PDLIM3: variants seen among roughly 807,000 people sequenced by gnomAD.
The protein encoded by PDLIM3 is PDZ and LIM domain protein 3.
PDLIM3 carries 36 observed loss-of-function variants against 37.3 expected under a neutral mutation model. The ratio of observed to expected loss-of-function variants is 0.97; its 90% CI spans 0.74 to 1.28. The LOEUF is 1.28. Ranked by LOEUF, PDLIM3 falls within the 50% of genes most tolerant of loss-of-function variation. The pLI, the probability that PDLIM3 is intolerant of heterozygous loss-of-function variation, is 0.00. For synonymous variants in PDLIM3, 174 were observed against 182.4 expected (o/e 0.95, Z 0.37); for missense variants, 454 against 485.0 (o/e 0.94, Z 0.60).
intron 3 of PDLIM3, among the ~76,000 whole-genome samples, chr4:185,520,135 C>T (rs1243511294): frequency 6.6e-6 from 1 of 152,202 alleles, no homozygotes; most frequent in African/African-American, 2.4e-5. Flanking sequence ...TTCTGGTTTA[C>T]GCTAAAGGAT....
At chr4:185,513,835 G>C (rs754736357) in intron 4 of PDLIM3, 26 of 1,096,306 alleles carry the variant, frequency 2.4e-5, no homozygotes, top group Non-Finnish European at 2.7e-5. Flanking sequence ...TCTCTACTGA[G>C]AGACGAGAAG....
chr4:185,515,029 G>T, intron 3 of PDLIM3: 1 of 631,952 alleles, frequency 1.6e-6, no homozygotes, highest in Non-Finnish European at 2.6e-6. Context: ...GGAGGAGTTA[G>T]CCATAAACTT....
chr4:185,518,709 C>T (rs534260384), intron 3 of PDLIM3, among the ~76,000 whole-genome samples: 11 of 152,288 alleles, frequency 7.2e-5, no homozygotes, highest in African/African-American at 2.6e-4. Flanking sequence ...TCCCATCTCT[C>T]ACTGGGAAGA....
At chr4:185,524,703 A>G (rs2095729723) in intron 2 of PDLIM3, among the ~76,000 whole-genome samples, 1 of 152,198 alleles carries the variant, frequency 6.6e-6, no homozygotes, top group Non-Finnish European at 1.5e-5. Context: ...GAACAGTGAT[A>G]TAACTAGTTG....
rs2095692940 is a variant in PDLIM3, at chr4:185,504,384, C to T, written c.905+91G>A. On this transcript the variant is annotated intron_variant, in intron 7 of 7. Coordinates refer to ENST00000284767, the MANE Select transcript of PDLIM3 (RefSeq NM_014476.6). This position sits in a 1 kb window ranked among gnomAD's most constrained non-coding sequence, Gnocchi z 4.7. The stretch of plus-strand genomic sequence containing the variant: ...TTGATGAATAGAAATTTGGTTTTCA[C>T]AGTTGCCTTTAGTCTATAAAGTCTT... 1 of 1,089,898 alleles carries T rather than the reference C, an allele frequency of 9.2e-7. No homozygotes were observed. The allele number at this position is 1,089,898 out of a possible 1,614,324, so 67.5% of individuals were successfully genotyped here.
In PDLIM3 at chr4:185,514,991, C is replaced by T; in HGVS notation, c.331-654G>A. 2.2e-6 allele frequency: 2 copies of T among 898,198 alleles called. No individual in the cohort carries two copies. Among genetic ancestry groups the T allele is most frequent in the Non-Finnish European group, 3.3e-6 (2 of 612,706 alleles). The allele number at this position is 898,198 out of a possible 1,614,324, so 55.6% of individuals were successfully genotyped here. On this transcript the variant is annotated intron_variant, in intron 3 of 7. Coordinates refer to ENST00000284767, the MANE Select transcript of PDLIM3 (RefSeq NM_014476.6). This position sits in a 1 kb window ranked among gnomAD's most constrained non-coding sequence, Gnocchi z 4.0. Reference sequence around the variant, plus strand: ...CTACTGTTAATAAAGGCATCTTTACCCACGACGAGATTGACGGAAAGATTA... The same window carrying T: ...CTACTGTTAATAAAGGCATCTTTACTCACGACGAGATTGACGGAAAGATTA...
chr4:185,529,542 T>G (rs1263076706), intron 1 of PDLIM3, among the ~76,000 whole-genome samples: 1 of 152,046 alleles, frequency 6.6e-6, no homozygotes, highest in Non-Finnish European at 1.5e-5. Flanking sequence ...CCCTAGCAAA[T>G]AGACTCCGCG....
chr4:185,508,627 C>CACAG, intron 4 of PDLIM3, 65 bp from the exon 5 acceptor site: 1 of 1,528,516 alleles, frequency 6.5e-7, no homozygotes, highest in Non-Finnish European at 9.1e-7. Context: ...GACAGAAGAA[C>CACAG]ACAGAGAACA....
At position 185,508,515 on chromosome 4, in the gene PDLIM3, G is replaced by T. The variant is rs768005687; in HGVS notation, c.446C>A (p.Thr149Asn). The T allele has an allele frequency of 6.2e-7, 1 of 1,614,130 alleles. No homozygotes were observed. The highest frequency in any genetic ancestry group is 1.1e-5 in the South Asian group (1 of 91,070). ...ACTAACAGTACTGACAGAAGAAGGG[G>T]TGCTGCGTCCACTGCCACAGTCAAT... ...SGIDCGSGRS[T>N]PSSVSTVSTI... Residue 149 changes from threonine to asparagine, a missense_variant, in exon 5 of 8, where the codon ACC (threonine) becomes AAC (asparagine). By Grantham distance (65) the Thr-to-Asn change is moderately conservative (BLOSUM62 0). Transcript: ENST00000284767.
rs780934146 is a variant in PDLIM3, at chr4:185,502,382, TCTA to T, written c.1004_1006del (p.Ile335_Glu336delinsLys). 2.5e-6 allele frequency: 4 copies of T among 1,614,198 alleles called. No homozygotes were observed. Among genetic ancestry groups the T allele is most frequent in the Non-Finnish European group, 3.4e-6 (4 of 1,180,024 alleles). The stretch of plus-strand genomic sequence containing the variant: ...GTGGGTTTCGCAGTACAGCTCCCCT[TCTA>T]TGAAGAAGTAGCCCTTTTGCTTGAG... On this transcript the variant is annotated inframe_deletion, in exon 8 of 8. Coordinates refer to ENST00000284767, the MANE Select transcript of PDLIM3 (RefSeq NM_014476.6).
At chr4:185,524,448 C>G (rs2095729211) in intron 2 of PDLIM3, among the ~76,000 whole-genome samples, 1 of 152,164 alleles carries the variant, frequency 6.6e-6, no homozygotes, top group Non-Finnish European at 1.5e-5. Context: ...GGCAAGAGAT[C>G]AGGCTCAATT....
chr4:185,533,790 C>T (rs926981502), intron 1 of PDLIM3, among the ~76,000 whole-genome samples: 3 of 152,114 alleles, frequency 2.0e-5, no homozygotes, highest in African/African-American at 4.8e-5. Context: ...ATTATATTGA[C>T]ATACGATTAT....
Position 185,535,413 on chromosome 4 carries a change from G to C in PDLIM3, c.22C>G (p.Pro8Ala), listed in dbSNP as rs1178742958. Residue 8 changes from proline (P) to alanine (A), a missense_variant, in exon 1 of 8, where the codon CCG (proline) becomes GCG (alanine). Pro to Ala is a conservative substitution (Grantham distance 27). Coordinates refer to ENST00000284767, the MANE Select transcript of PDLIM3 (RefSeq NM_014476.6). Reference sequence around the variant, plus strand: ...CTGAAGCCCCAGGGCGCAGGGCCCGGGAGGATCACCGTCTGGGGCATGCCG... The same window carrying C: ...CTGAAGCCCCAGGGCGCAGGGCCCGCGAGGATCACCGTCTGGGGCATGCCG... MPQTVIL[P>A]GPAPWGFRLS... 6 of 1,603,600 alleles carry C rather than the reference G, an allele frequency of 3.7e-6. No homozygotes were observed. Among genetic ancestry groups the C allele is most frequent in the Admixed American group, 3.4e-5 (2 of 59,096 alleles).
chr4:185,527,067 TCA>T lies in PDLIM3; in HGVS notation c.94-1898_94-1897del, dbSNP rs1488863222. ...CAATATGATGTATATTTTTAATACTTCACAGTGTATACCCCAGTATTTAGAAT... is the reference window on the plus strand; with the variant it reads ...CAATATGATGTATATTTTTAATACTTCAGTGTATACCCCAGTATTTAGAAT... On this transcript the variant is annotated intron_variant, in intron 1 of 7. Transcript: ENST00000284767. Among the ~76,000 whole-genome samples the T allele has an allele frequency of 6.6e-5, 10 of 152,368 alleles. No individual in the cohort carries two copies. The South Asian group carries it at 1.0e-3, about 16-fold the overall frequency.
chr4:185,525,693 C>A (rs982030877), intron 1 of PDLIM3, among the ~76,000 whole-genome samples: 7 of 152,024 alleles, frequency 4.6e-5, no homozygotes, highest in African/African-American at 1.7e-4. Flanking sequence ...GGAGGAGGGA[C>A]TTTTGGGGGG....
chr4:185,501,975 A>T lies in PDLIM3; in HGVS notation c.*319T>A, dbSNP rs75416326. 1,422 of 391,450 alleles carry T rather than the reference A, an allele frequency of 3.6e-3. 35 individuals carry two copies. Among genetic ancestry groups the T allele is most frequent in the African/African-American group, 0.027 (1,339 of 48,986 alleles). The allele number at this position is 391,450 out of a possible 1,614,324, so 24.2% of individuals were successfully genotyped here. A position where few individuals can be genotyped will look rare whatever the true frequency, so the allele number is the denominator to read the frequency against. On this transcript the variant is annotated 3_prime_UTR_variant, in exon 8 of 8. Coordinates refer to ENST00000284767, the MANE Select transcript of PDLIM3 (RefSeq NM_014476.6). ...GAAAGACAATTAGAGTCCTTCAAAT[A>T]TCTTGATGTTTATGTGTTTGATGGC...
chr4:185,532,327 G>T (rs1402793441), intron 1 of PDLIM3, among the ~76,000 whole-genome samples: 2 of 152,220 alleles, frequency 1.3e-5, no homozygotes, highest in East Asian at 3.8e-4. Context: ...GAAGGTTTCT[G>T]CCTTCGGGGA....
At chr4:185,515,026 T>C in intron 3 of PDLIM3, 1 of 658,624 alleles carries the variant, frequency 1.5e-6, no homozygotes, top group Non-Finnish European at 2.5e-6. Flanking sequence ...AGAGGAGGAG[T>C]TAGCCATAAA....
Position 185,504,705 on chromosome 4 carries a change from G to C in PDLIM3, c.794-119C>G. 1.3e-6 allele frequency: 1 copy of C among 756,958 alleles called. No homozygotes were observed. The highest frequency in any genetic ancestry group is 2.3e-6 in the Non-Finnish European group (1 of 432,662). The allele number at this position is 756,958 out of a possible 1,614,324, so 46.9% of individuals were successfully genotyped here. A position where few individuals can be genotyped will look rare whatever the true frequency, so the allele number is the denominator to read the frequency against. The stretch of plus-strand genomic sequence containing the variant: ...TTGCATCTGCACCGTCATTCCGAGA[G>C]GGGCAGGACTGATGCAATCATAAGG... On this transcript the variant is annotated intron_variant, in intron 6 of 7. Transcript: ENST00000284767. This position sits in a 1 kb window ranked among gnomAD's most constrained non-coding sequence, Gnocchi z 4.7.
Sources: allele counts gnomAD v4.1 joint callset (sites outside exome capture counted in the v4.1 genomes callset), GRCh38; gene constraint gnomAD v4.1.1; non-coding constraint Gnocchi (gnomAD v3.1); transcripts MANE v1.5; gene names NCBI Gene and HGNC (gene_info 2026-07-23, HGNC 2026-07-21).